Variants in PCDHA2 observed in about 807,000 individuals in gnomAD.
PCDHA2 encodes protocadherin alpha 2.
A neutral mutation model predicts 66.0 loss-of-function variants in PCDHA2; 58 were observed. The ratio of observed to expected loss-of-function variants is 0.88; its 90% confidence interval spans 0.71 to 1.09. The LOEUF is 1.09. Ranked by LOEUF, PCDHA2 falls within the 50% of genes least tolerant of loss-of-function variation. PCDHA2 has a pLI of 0.00. For synonymous variants in PCDHA2, 634 were observed against 554.0 expected, an observed-to-expected ratio of 1.14 and a Z score of -2.03; for missense variants, 1,267 against 1,242.3, an observed-to-expected ratio of 1.02 and a Z score of -0.30.
intron 1 of PCDHA2, chr5:140,851,016 A>T: frequency 7.0e-7 from 1 of 1,434,004 alleles, no homozygotes; most frequent in East Asian, 2.4e-5. Flanking sequence ...TTTTTTTCTG[A>T]TAAAGTAAAC....
chr5:140,829,869 A>T (rs2150176630), intron 1 of PCDHA2: 1 of 1,613,902 alleles, frequency 6.2e-7, no homozygotes, highest in South Asian at 1.1e-5. Flanking sequence ...GTGGTGGCGA[A>T]GGTGCGCGCA....
intron 1 of PCDHA2, among the ~76,000 whole-genome samples, chr5:140,897,322 A>C (rs1407696399): frequency 7.4e-6 from 1 of 134,448 alleles, no homozygotes; most frequent in Non-Finnish European, 1.6e-5. Context: ...TCCTAAAGCT[A>C]TCCCTCCCCC....
intron 1 of PCDHA2, chr5:140,807,583 G>A: frequency 1.9e-6 from 3 of 1,614,178 alleles, no homozygotes; most frequent in Non-Finnish European, 2.5e-6. Flanking sequence ...ACCCGCCGGT[G>A]TTCCCAGCAA....
At chr5:140,926,771 A>C (rs2083548742) in intron 1 of PCDHA2, 11 of 1,372,492 alleles carry the variant, frequency 8.0e-6, no homozygotes, top group Non-Finnish European at 1.0e-5. Context: ...TCCAGCCCGC[A>C]GCAGTGACGG....
chr5:140,835,836 C>T, intron 1 of PCDHA2: 1 of 1,612,388 alleles, frequency 6.2e-7, no homozygotes, highest in Non-Finnish European at 8.5e-7. Context: ...CGCGGACGCG[C>T]AGAAGAACGC....
chr5:140,871,002 G>C, intron 1 of PCDHA2: 1 of 1,613,384 alleles, frequency 6.2e-7, no homozygotes, highest in Non-Finnish European at 8.5e-7. Context: ...TAAGCACAAC[G>C]CGTGCCCTGG....
At chr5:140,851,091 G>C in intron 1 of PCDHA2, 1 of 1,292,680 alleles carries the variant, frequency 7.7e-7, no homozygotes, top group Non-Finnish European at 1.0e-6. Flanking sequence ...ATATTAAATA[G>C]ATATTTTTTG....
At chr5:140,819,566 T>G (rs1437809620) in intron 1 of PCDHA2, among the ~76,000 whole-genome samples, 1 of 152,138 alleles carries the variant, frequency 6.6e-6, no homozygotes, top group Non-Finnish European at 1.5e-5. Flanking sequence ...GAAAATAGCT[T>G]AGAAGAAGAT....
rs781972089 is a variant in PCDHA2 at position 141,009,851 on chromosome 5, A to G, written c.2761A>G (p.Lys921Glu). 1 of 1,614,060 alleles carries G rather than the reference A, an allele frequency of 6.2e-7. No individual in the cohort carries two copies. Among genetic ancestry groups the G allele is most frequent in the Non-Finnish European group, 8.5e-7 (1 of 1,179,986 alleles). Residue 921 changes from lysine to glutamate, a missense_variant, in exon 4 of 4, where the codon AAG becomes GAG. Transcript: ENST00000526136. ...AACCTTCGGCAAAAAGGAGGAGACC[A>G]AGAAAAAGAAGAAAAAGAAGAAGGG... is the stretch of plus-strand genomic sequence containing the variant. ...FITFGKKEETKKKKKKKKGNK... is the reference protein window; with the variant it reads ...FITFGKKEETEKKKKKKKGNK...
At chr5:140,862,678 C>T (rs1490436756) in intron 1 of PCDHA2, 1 of 550,784 alleles carries the variant, frequency 1.8e-6, no homozygotes, top group Non-Finnish European at 3.6e-6. Context: ...GGAGAACGTG[C>T]TGGTGTCCTA....
intron 1 of PCDHA2, chr5:140,928,279 TCTCTAGGC>T: frequency 6.2e-7 from 1 of 1,614,144 alleles, no homozygotes; most frequent in Non-Finnish European, 8.5e-7. Flanking sequence ...CCCTGGGGCC[TCTCTAGGC>T]CGAGTGTTTG....
At chr5:140,821,608 T>G in intron 1 of PCDHA2, 1 of 759,916 alleles carries the variant, frequency 1.3e-6, no homozygotes, top group Non-Finnish European at 2.0e-6. Flanking sequence ...AGGAATACAG[T>G]GAGTAGATTT....
intron 1 of PCDHA2, chr5:140,967,561 G>T: frequency 6.2e-7 from 1 of 1,614,076 alleles, no homozygotes; most frequent in Non-Finnish European, 8.5e-7. Flanking sequence ...ATCGCGTCCA[G>T]CTACGGGAGG....
intron 3 of PCDHA2, among the ~76,000 whole-genome samples, chr5:140,998,569 G>GTT (rs71574497): frequency 0.068 from 10,108 of 149,316 alleles, 392 homozygotes; most frequent in Middle Eastern, 0.14. Flanking sequence ...TTGTAAATAA[G>GTT]TTTTTTTTTT....
chr5:140,969,613 T>C (rs2096347317), intron 1 of PCDHA2: 2 of 727,588 alleles, frequency 2.7e-6, no homozygotes, highest in African/African-American at 1.8e-5. Flanking sequence ...AAACACAGAT[T>C]TGTAGAGAAA....
intron 1 of PCDHA2, chr5:140,809,039 G>T (rs782455641): frequency 1.2e-6 from 2 of 1,613,744 alleles, no homozygotes; most frequent in African/African-American, 1.3e-5. Context: ...GACTGGTGGC[G>T]CGCGCATCCC....
intron 1 of PCDHA2, chr5:140,929,179 G>C: frequency 6.2e-7 from 1 of 1,614,104 alleles, no homozygotes. Context: ...TCTGGGACTT[G>C]GTTCTGATAA....
At chr5:140,882,392 G>C (rs781850899) in intron 1 of PCDHA2, 4 of 1,614,178 alleles carry the variant, frequency 2.5e-6, no homozygotes, top group South Asian at 1.1e-5. Flanking sequence ...AGCAAAACAC[G>C]GCACCTTCGT....
chr5:140,839,670 T>C (rs1776356207), intron 1 of PCDHA2, among the ~76,000 whole-genome samples: 1 of 152,026 alleles, frequency 6.6e-6, no homozygotes, highest in Non-Finnish European at 1.5e-5. Flanking sequence ...CTATTTAGAG[T>C]CAACTACAGA....
Sources: gnomAD v4.1 joint callset for allele counts (sites outside exome capture counted in the v4.1 genomes callset) on GRCh38, gnomAD v4.1.1 for gene constraint, MANE v1.5 for transcripts, NCBI Gene and HGNC (gene_info 2026-07-23, HGNC 2026-07-21) for gene names.